SPAG9: variants seen among roughly 807,000 people sequenced by gnomAD.
The protein encoded by SPAG9 is C-Jun-amino-terminal kinase-interacting protein 4.
SPAG9 carries 35 observed loss-of-function variants against 166.5 expected under a neutral mutation model. The ratio of observed to expected loss-of-function variants is 0.21; its 90% CI spans 0.16 to 0.28. The LOEUF is 0.28. SPAG9 is among the 10% of genes least tolerant of loss of function. The probability of loss-of-function intolerance (pLI) is 1.00; values close to 1 mark genes in which losing one functional copy is unlikely to be tolerated. For synonymous variants in SPAG9, 534 were observed against 565.5 expected (o/e 0.94, Z 0.79); for missense variants, 1,235 against 1,603.3 (o/e 0.77, Z 3.92).
intron 1 of SPAG9, among the ~76,000 whole-genome samples, chr17:51,104,638 AAAAT>A (rs1291243708): frequency 1.3e-5 from 2 of 151,964 alleles, no homozygotes; most frequent in African/African-American, 2.4e-5. Context: ...CGCCATCTCA[AAAAT>A]AAATAAATAG....
At chr17:51,119,248 C>A (rs966533138) in intron 1 of SPAG9, among the ~76,000 whole-genome samples, 1 of 152,102 alleles carries the variant, frequency 6.6e-6, no homozygotes, top group Non-Finnish European at 1.5e-5. Context: ...GAGCTACAAA[C>A]CTCACATCCT....
At chr17:51,107,877 T>G in intron 1 of SPAG9, among the ~76,000 whole-genome samples, 1 of 150,826 alleles carries the variant, frequency 6.6e-6, no homozygotes, top group Middle Eastern at 3.2e-3. Flanking sequence ...ATTGCAACAC[T>G]GCTCTCCAGC....
chr17:51,005,988 G>T, intron 11 of SPAG9, 97 bp downstream of exon 11: 1 of 1,397,768 alleles, frequency 7.2e-7, no homozygotes, highest in Non-Finnish European at 9.9e-7. Context: ...TTCCAGGCTT[G>T]AGTGGACAGA....
intron 1 of SPAG9, among the ~76,000 whole-genome samples, chr17:51,104,487 T>C (rs2048886572): frequency 1.3e-5 from 2 of 152,028 alleles, no homozygotes; most frequent in African/African-American, 4.8e-5. Context: ...AACTACAAAA[T>C]TAGCCAGGTG....
At chr17:51,028,619 A>G (rs1209407367) in intron 6 of SPAG9, among the ~76,000 whole-genome samples, 1 of 152,226 alleles carries the variant, frequency 6.6e-6, no homozygotes, top group Non-Finnish European at 1.5e-5. Context: ...AGGTTTGGGT[A>G]AATTCACTCT....
rs1233769448 is a variant in SPAG9, at chr17:50,963,061, T to A, written c.*3211A>T. 6.6e-6 allele frequency: 1 copy of A among 152,184 alleles called. No homozygotes were observed. Among genetic ancestry groups the A allele is most frequent in the African/African-American group, 2.4e-5 (1 of 41,436 alleles). The allele number at this position is 152,184 out of a possible 1,614,324, so 9.4% of individuals were successfully genotyped here. A position where few individuals can be genotyped will look rare whatever the true frequency, so the allele number is the denominator to read the frequency against. On this transcript the variant is annotated 3_prime_UTR_variant, in exon 30 of 30. Transcript: ENST00000262013. The stretch of plus-strand genomic sequence containing the variant: ...AGAGATTTTAACCTGCATTTAAGAG[T>A]AAGTGTTAGGTTGAGGCATATGATA...
intron 4 of SPAG9, chr17:51,046,985 C>G: frequency 7.5e-7 from 1 of 1,332,618 alleles, no homozygotes; most frequent in Non-Finnish European, 9.7e-7. Flanking sequence ...TTTATTCACA[C>G]TCCTACACCA....
intron 5 of SPAG9, among the ~76,000 whole-genome samples, chr17:51,036,778 C>A (rs1168382585): frequency 1.3e-5 from 2 of 152,100 alleles, no homozygotes; most frequent in Non-Finnish European, 2.9e-5. Context: ...ATGATAACAA[C>A]CCCACCCCTG....
At chr17:51,007,085 AG>A (rs1226168122) in intron 10 of SPAG9, among the ~76,000 whole-genome samples, 183 bp downstream of exon 10, 1 of 151,698 alleles carries the variant, frequency 6.6e-6, no homozygotes, top group Non-Finnish European at 1.5e-5. Context: ...CATATCTAAC[AG>A]GGCAGTGTAG....
In SPAG9 at chr17:51,048,948, A is replaced by G. The variant is rs2047106384; in HGVS notation, c.496-1479T>C. On this transcript the variant is annotated intron_variant, in intron 3 of 29. Coordinates refer to ENST00000262013, the MANE Select transcript of SPAG9 (RefSeq NM_001130528.3). ...ACAGTTTTGGAGAAATACACCTTTC[A>G]TCTATCAGCAAGTCAGAAATAATGA... Among the ~76,000 whole-genome samples, 3 of 152,234 alleles carry G rather than the reference A, an allele frequency of 2.0e-5. No homozygotes were observed. The South Asian group carries it at 6.2e-4, about 31-fold the overall frequency.
chr17:51,039,439 T>A (rs2046744922), intron 5 of SPAG9, among the ~76,000 whole-genome samples: 1 of 152,188 alleles, frequency 6.6e-6, no homozygotes, highest in Non-Finnish European at 1.5e-5. Context: ...ACTAGTAACA[T>A]GATTTACAAA....
At chr17:51,114,711 G>C (rs965634070) in intron 1 of SPAG9, among the ~76,000 whole-genome samples, 1 of 152,128 alleles carries the variant, frequency 6.6e-6, no homozygotes, top group African/African-American at 2.4e-5. Flanking sequence ...CAGCACTTTG[G>C]GAGGTTGAGG....
At chr17:50,987,652 A>C (rs909458015) in intron 21 of SPAG9, among the ~76,000 whole-genome samples, 9 of 152,226 alleles carry the variant, frequency 5.9e-5, no homozygotes, top group Admixed American at 6.5e-5. Context: ...ATAATAAGAC[A>C]TGGTAATGAA....
chr17:50,989,474 G>A, intron 21 of SPAG9: 2 of 606,854 alleles, frequency 3.3e-6, no homozygotes, highest in South Asian at 2.0e-5. Context: ...TTTTTAAATT[G>A]GAAGGTGTAC....
At chr17:50,970,626 G>T in intron 29 of SPAG9, 81 bp downstream of exon 29, 1 of 1,168,598 alleles carries the variant, frequency 8.6e-7, no homozygotes, top group South Asian at 1.7e-5. Flanking sequence ...ATCATTATCA[G>T]AGTGGTTTCT....
intron 2 of SPAG9, among the ~76,000 whole-genome samples, chr17:51,068,589 T>C (rs2047737345): frequency 6.6e-6 from 1 of 152,192 alleles, no homozygotes; most frequent in African/African-American, 2.4e-5. Flanking sequence ...ATCACCCTCA[T>C]GGCCAAGAAA....
At chr17:51,021,961 A>G (rs1316097486) in intron 6 of SPAG9, among the ~76,000 whole-genome samples, 1 of 152,002 alleles carries the variant, frequency 6.6e-6, no homozygotes, top group Non-Finnish European at 1.5e-5. Context: ...CGTCTCTACT[A>G]AAAATACAAA....
rs1204062182 is a variant in SPAG9, at chr17:51,114,980, GA to G, written c.303+5373del. Among the ~76,000 whole-genome samples the G allele has an allele frequency of 2.6e-5, 4 of 151,980 alleles. 1 individual carries two copies. Among genetic ancestry groups the G allele is most frequent in the African/African-American group, 9.6e-5 (4 of 41,478 alleles). ...AAAAAAAAAAATTATGAATGAATGA[GA>G]ACACTAAAACAAGAACAATGAATGT... On this transcript the variant is annotated intron_variant, in intron 1 of 29. Transcript: ENST00000262013.
At chr17:51,084,773 C>T (rs927419631) in intron 1 of SPAG9, among the ~76,000 whole-genome samples, 1 of 152,066 alleles carries the variant, frequency 6.6e-6, no homozygotes, top group African/African-American at 2.4e-5. Flanking sequence ...GAACATACAG[C>T]ATTATGTTTA....
Sources: allele counts gnomAD v4.1 joint callset (sites outside exome capture counted in the v4.1 genomes callset), GRCh38; gene constraint gnomAD v4.1.1; transcripts MANE v1.5; gene names NCBI Gene and HGNC (gene_info 2026-07-23, HGNC 2026-07-21).